Variants in PRDM16 observed in about 807,000 individuals in gnomAD.
The protein encoded by PRDM16 is PR/SET domain 16, also known as histone-lysine N-methyltransferase PRDM16.
A neutral mutation model predicts 110.6 loss-of-function variants in PRDM16; 23 were observed. That is an observed-to-expected ratio of 0.21 (90% CI 0.15 to 0.29). The LOEUF is 0.29. Ranked by LOEUF, PRDM16 falls within the 10% of genes least tolerant of loss-of-function variation. The probability of loss-of-function intolerance (pLI) is 1.00; values close to 1 mark genes in which losing one functional copy is unlikely to be tolerated. For missense variants in PRDM16, 1,615 were observed against 1,794.3 expected (o/e 0.90, Z 1.81); for synonymous variants, 799 against 781.8 (o/e 1.02, Z -0.37).
intron 2 of PRDM16, among the ~76,000 whole-genome samples, chr1:3,191,157 C>T (rs751118696): frequency 3.3e-5 from 5 of 152,240 alleles, no homozygotes; most frequent in African/African-American, 2.4e-5. Context: ...AGTGCCTCTG[C>T]CTCTGCTGAA....
At chr1:3,197,805 C>A (rs1427448083) in intron 2 of PRDM16, among the ~76,000 whole-genome samples, 1 of 152,156 alleles carries the variant, frequency 6.6e-6, no homozygotes, top group Non-Finnish European at 1.5e-5. Context: ...GGGTCAGACG[C>A]AGGTCCCACG....
intron 3 of PRDM16, among the ~76,000 whole-genome samples, chr1:3,263,794 G>A (rs1327929690): frequency 6.6e-6 from 1 of 152,252 alleles, no homozygotes; most frequent in African/African-American, 2.4e-5. Flanking sequence ...GCCAGGAGAA[G>A]CCTTTGCCAC....
intron 3 of PRDM16, among the ~76,000 whole-genome samples, chr1:3,279,109 A>G (rs1306062191): frequency 4.6e-5 from 7 of 152,246 alleles, no homozygotes; most frequent in Non-Finnish European, 7.3e-5. Context: ...GCTGCCACCA[A>G]TAGCCACGTG....
chr1:3,355,997 C>T lies in PRDM16; in HGVS notation c.439-29155C>T, dbSNP rs77387203. On this transcript the variant is annotated intron_variant, in intron 3 of 16. Transcript: ENST00000270722. ...TCTGGGCACATCCTGATGAGTGGCC[C>T]GTTGGTGACAAGTTGACAGAGGGGC... Among the ~76,000 whole-genome samples the T allele has an allele frequency of 5.7e-3, 865 of 152,152 alleles. 16 individuals are homozygous for T. Among genetic ancestry groups the T allele is most frequent in the East Asian group, 0.055 (283 of 5,162 alleles).
chr1:3,330,146 A>C (rs1323154296), intron 3 of PRDM16, among the ~76,000 whole-genome samples: 2 of 152,172 alleles, frequency 1.3e-5, no homozygotes, highest in Admixed American at 1.3e-4. Flanking sequence ...GGGCTTGTCA[A>C]ATCAAATGGT....
chr1:3,418,101 T>C, intron 11 of PRDM16, 104 bp downstream of exon 11: 2 of 976,956 alleles, frequency 2.0e-6, no homozygotes, highest in East Asian at 2.6e-5. Context: ...GTCCCGGCCA[T>C]AGGAAAGCAC....
rs796918869 is a variant in PRDM16 at position 3,181,336 on chromosome 1, AGTCTTACACACGGTCTTACACACG to A, written c.38-4776_38-4753del. Reference sequence around the variant, plus strand: ...CTTACACACGCAATCTTACACAAGCAGTCTTACACACGGTCTTACACACGGTCTTACACACGCAGTCTTACACAC... The same window carrying A: ...CTTACACACGCAATCTTACACAAGCAGTCTTACACACGCAGTCTTACACAC... On this transcript the variant is annotated intron_variant, in intron 1 of 16. Transcript: ENST00000270722. Among the ~76,000 whole-genome samples the A allele has an allele frequency of 2.0e-5, 2 of 101,808 alleles. 1 individual carries two copies. The highest frequency in any genetic ancestry group is 6.4e-4 in the East Asian group (2 of 3,110). The allele number at this position is 101,808 out of a possible 152,430, so 66.8% of individuals were successfully genotyped here. A position where few individuals can be genotyped will look rare whatever the true frequency, so the allele number is the denominator to read the frequency against.
In PRDM16 at chr1:3,359,935, C is replaced by T. The variant is rs1357417507; in HGVS notation, c.439-25217C>T. Among the ~76,000 whole-genome samples, 1 of 152,242 alleles carries T rather than the reference C, an allele frequency of 6.6e-6. No homozygotes were observed. The highest frequency in any genetic ancestry group is 6.5e-5 in the Admixed American group (1 of 15,286). ...CGCAAAGACGGCAGCCAGCTCCTCA[C>T]AGAAGGCCGCCCGGCTCAGAACAGG... On this transcript the variant is annotated intron_variant, in intron 3 of 16. Coordinates refer to ENST00000270722, the MANE Select transcript of PRDM16 (RefSeq NM_022114.4). This position sits in a 1 kb window ranked among gnomAD's most constrained non-coding sequence, Gnocchi z 4.3.
At chr1:3,232,501 C>T (rs924861873) in intron 2 of PRDM16, among the ~76,000 whole-genome samples, 7 of 152,134 alleles carry the variant, frequency 4.6e-5, no homozygotes, top group East Asian at 1.9e-4. Context: ...TAAAATACAA[C>T]GGGAAACAAT....
rs181932471 is a variant in PRDM16 at position 3,196,692 on chromosome 1, G to A, written c.387+10218G>A. Among the ~76,000 whole-genome samples the A allele has an allele frequency of 2.2e-3, 341 of 152,332 alleles. 1 individual carries two copies. The highest frequency in any genetic ancestry group is 7.9e-3 in the African/African-American group (329 of 41,592). Reference sequence around the variant, plus strand: ...TACCTACTACTGGCTGAGAGTTCCCGGGGGAGGTCCCAGGAGTCTGCATTC... The same window carrying A: ...TACCTACTACTGGCTGAGAGTTCCCAGGGGAGGTCCCAGGAGTCTGCATTC... On this transcript the variant is annotated intron_variant, in intron 2 of 16. Coordinates refer to ENST00000270722, the MANE Select transcript of PRDM16 (RefSeq NM_022114.4).
intron 1 of PRDM16, among the ~76,000 whole-genome samples, chr1:3,072,113 A>G (rs1026576058): frequency 6.6e-6 from 1 of 152,140 alleles, no homozygotes; most frequent in Non-Finnish European, 1.5e-5. Flanking sequence ...CAGAGTGAGG[A>G]CAGTTCAGGG....
At chr1:3,413,503 G>A (rs770178603) in intron 9 of PRDM16, among the ~76,000 whole-genome samples, 2 of 152,144 alleles carry the variant, frequency 1.3e-5, no homozygotes, top group Non-Finnish European at 2.9e-5. Context: ...ATGCAGGTGG[G>A]TTGGAAGAGC....
At chr1:3,305,876 T>C (rs183959775) in intron 3 of PRDM16, among the ~76,000 whole-genome samples, 7 of 152,366 alleles carry the variant, frequency 4.6e-5, no homozygotes, top group Middle Eastern at 3.4e-3. Flanking sequence ...ATTTATTTGC[T>C]GATTCACTCA....
intron 1 of PRDM16, among the ~76,000 whole-genome samples, chr1:3,166,808 C>A (rs537758989): frequency 3.3e-5 from 5 of 152,176 alleles, no homozygotes; most frequent in African/African-American, 9.6e-5. Context: ...TGGTTCTCAC[C>A]GGTAAACTGG....
At position 3,382,080 on chromosome 1, in the gene PRDM16, C is replaced by T. The variant is rs534694016; in HGVS notation, c.439-3072C>T. 9.9e-5 allele frequency among the ~76,000 whole-genome samples: 15 copies of T among 152,230 alleles called. No homozygotes were observed. Among genetic ancestry groups the T allele is most frequent in the African/African-American group, 1.7e-4 (7 of 41,468 alleles). On this transcript the variant is annotated intron_variant, in intron 3 of 16. Coordinates refer to ENST00000270722, the MANE Select transcript of PRDM16 (RefSeq NM_022114.4). The surrounding 1 kb of genome is among the most constrained non-coding windows in gnomAD (Gnocchi z 6.6). The stretch of plus-strand genomic sequence containing the variant: ...GCTCTGGCTTGGCGGGCCTTTCCAG[C>T]GGTTTCCTGCTGCGCATCAGCAGTC...
chr1:3,142,121 C>T (rs1328993736), intron 1 of PRDM16, among the ~76,000 whole-genome samples: 6 of 152,230 alleles, frequency 3.9e-5, no homozygotes, highest in Non-Finnish European at 7.3e-5. Flanking sequence ...CTGCCCCAGC[C>T]TCCATCGGCT....
chr1:3,194,660 CCGCCACATGCCACCGTCTGAT>C (rs1296328226), intron 2 of PRDM16, among the ~76,000 whole-genome samples: 19 of 135,760 alleles, frequency 1.4e-4, no homozygotes, highest in African/African-American at 4.4e-4. Context: ...CACCGTCTCC[CCGCCACATGCCACCGTCTGAT>C]CGCCACACGC....
chr1:3,345,907 C>G (rs926459064), intron 3 of PRDM16, among the ~76,000 whole-genome samples: 3 of 152,144 alleles, frequency 2.0e-5, no homozygotes, highest in Non-Finnish European at 2.9e-5. Flanking sequence ...ACAGTCCCCC[C>G]ACCCTGGGCT....
At chr1:3,155,421 G>C (rs1041218749) in intron 1 of PRDM16, among the ~76,000 whole-genome samples, 2 of 152,252 alleles carry the variant, frequency 1.3e-5, no homozygotes, top group African/African-American at 4.8e-5. Context: ...CCTGTTATCT[G>C]CGTGGTTGGT....
Sources: allele counts gnomAD v4.1 joint callset (sites outside exome capture counted in the v4.1 genomes callset), GRCh38; gene constraint gnomAD v4.1.1; non-coding constraint Gnocchi (gnomAD v3.1); transcripts MANE v1.5; gene names NCBI Gene and HGNC (gene_info 2026-07-23, HGNC 2026-07-21).